The following DENND3 variants were observed in gnomAD, a reference collection of about 807,000 sequenced individuals.
DENND3 encodes DENN domain-containing protein 3.
DENND3 carries 88 observed loss-of-function variants against 135.1 expected under a neutral mutation model. The observed-to-expected ratio is 0.65, with a 90% CI of 0.55 to 0.78. The LOEUF (loss-of-function observed/expected upper bound fraction) is 0.78, where lower values mean the gene tolerates loss of function less well. DENND3 is among the 30% of genes least tolerant of loss of function. DENND3 has a pLI of 0.00. For missense variants in DENND3, 1,392 were observed against 1,688.4 expected (o/e 0.82, Z 3.08); for synonymous variants, 693 against 712.3 (o/e 0.97, Z 0.43).
Position 141,175,077 on chromosome 8 carries a change from G to C in DENND3, c.2276-123G>C. ...AGGCAGTTTCCATCCAGCGCCCTGA[G>C]TGCTGGCGCCACCTGCTGCCGGGTT... On this transcript the variant is annotated intron_variant, in intron 13 of 22. Coordinates refer to ENST00000519811, the MANE Select transcript of DENND3 (RefSeq NM_001352890.3). This position sits in a 1 kb window ranked among gnomAD's most constrained non-coding sequence, Gnocchi z 5.4. 2.5e-6 allele frequency: 3 copies of C among 1,178,152 alleles called. No individual in the cohort carries two copies. The highest frequency in any genetic ancestry group is 3.6e-6 in the Non-Finnish European group (3 of 839,918). 73.0% of individuals were successfully genotyped at this position (1,178,152 alleles called of 1,614,324 possible).
chr8:141,182,505 T>C lies in DENND3; in HGVS notation c.2944+1651T>C, dbSNP rs1386699367. 3.0e-6 allele frequency: 3 copies of C among 985,316 alleles called. No homozygotes were observed. Among genetic ancestry groups the C allele is most frequent in the Non-Finnish European group, 3.6e-6 (3 of 829,846 alleles). The allele number at this position is 985,316 out of a possible 1,614,324, so 61.0% of individuals were successfully genotyped here. On this transcript the variant is annotated intron_variant, in intron 17 of 22. Transcript: ENST00000519811. This position sits in a 1 kb window ranked among gnomAD's most constrained non-coding sequence, Gnocchi z 5.9. ...AATACATGGTATTTTTAGGTCCCGGTTGGTTTCCCTGAAATGAAACTCACT... is the reference window on the plus strand; with the variant it reads ...AATACATGGTATTTTTAGGTCCCGGCTGGTTTCCCTGAAATGAAACTCACT...
Position 141,166,082 on chromosome 8 carries a change from C to T in DENND3, c.1554-108C>T, listed in dbSNP as rs1310516406. ...TACCAGTCTGTTTTCCACTGGTGTC[C>T]AAGAGTGTCATGTGCTCTTCATCAC... On this transcript the variant is annotated intron_variant, in intron 11 of 22. Transcript: ENST00000519811. This position sits in a 1 kb window ranked among gnomAD's most constrained non-coding sequence, Gnocchi z 4.3. The T allele has an allele frequency of 2.7e-6, 3 of 1,120,602 alleles. No homozygotes were observed. Among genetic ancestry groups the T allele is most frequent in the Non-Finnish European group, 2.6e-6 (2 of 756,636 alleles). 69.4% of individuals were successfully genotyped at this position (1,120,602 alleles called of 1,614,324 possible). A position where few individuals can be genotyped will look rare whatever the true frequency, so the allele number is the denominator to read the frequency against.
chr8:141,164,243 G>A (rs1323280194), intron 10 of DENND3, among the ~76,000 whole-genome samples: 3 of 152,232 alleles, frequency 2.0e-5, no homozygotes, highest in Non-Finnish European at 4.4e-5. Context: ...GGAATGTCCC[G>A]TGGTTGGGAC....
intron 8 of DENND3, among the ~76,000 whole-genome samples, chr8:141,158,951 G>A (rs1272841380): frequency 1.3e-5 from 2 of 152,218 alleles, no homozygotes; most frequent in African/African-American, 4.8e-5. Flanking sequence ...ACTCCAGGTG[G>A]CATCATAGCC....
In DENND3 at chr8:141,194,708, C is replaced by A. The variant is rs577428811; in HGVS notation, c.*475C>A. On this transcript the variant is annotated 3_prime_UTR_variant, in exon 23 of 23. Coordinates refer to ENST00000519811, the MANE Select transcript of DENND3 (RefSeq NM_001352890.3). ...GCACATGACAGGGAGCCTGGAGCCCCGGGGCCTCCAGCGAGGCCTGAGAAG... is the reference window on the plus strand; with the variant it reads ...GCACATGACAGGGAGCCTGGAGCCCAGGGGCCTCCAGCGAGGCCTGAGAAG... 1 of 160,698 alleles carries A rather than the reference C, an allele frequency of 6.2e-6. No individual in the cohort carries two copies. Among genetic ancestry groups the A allele is most frequent in the African/African-American group, 2.4e-5 (1 of 41,664 alleles). 10.0% of individuals were successfully genotyped at this position (160,698 alleles called of 1,614,324 possible).
At chr8:141,155,785 C>T in intron 7 of DENND3, 64 bp from the exon 8 acceptor site, 5 of 1,513,020 alleles carry the variant, frequency 3.3e-6, no homozygotes, top group Non-Finnish European at 3.6e-6. Flanking sequence ...TATGTGTTTT[C>T]AAAGAGGTAT....
chr8:141,137,499 C>G lies in DENND3; in HGVS notation c.386-523C>G, dbSNP rs975930485. 6.6e-6 allele frequency among the ~76,000 whole-genome samples: 1 copy of G among 152,180 alleles called. No homozygotes were observed. Among genetic ancestry groups the G allele is most frequent in the Admixed American group, 6.5e-5 (1 of 15,286 alleles). ...CAGTTCATCTGCAGCGGTTCCACCC[C>G]CAGTGTGCCTGAGCCTCTCCCTTCC... On this transcript the variant is annotated intron_variant, in intron 2 of 22. Coordinates refer to ENST00000519811, the MANE Select transcript of DENND3 (RefSeq NM_001352890.3). The surrounding 1 kb of genome is among the most constrained non-coding windows in gnomAD (Gnocchi z 4.1).
At chr8:141,192,792 C>T (rs1318246070) in intron 22 of DENND3, 129 bp downstream of exon 22, 1 of 1,588,748 alleles carries the variant, frequency 6.3e-7, no homozygotes, top group Non-Finnish European at 8.5e-7. Context: ...GGGTTCCCCT[C>T]CTAACAGGCA....
chr8:141,165,049 C>T (rs753002619), intron 10 of DENND3, 137 bp from the exon 11 acceptor site: 9 of 643,634 alleles, frequency 1.4e-5, no homozygotes, highest in Non-Finnish European at 2.5e-5. Flanking sequence ...AGAAAACCCT[C>T]GAGTTCATTC....
intron 1 of DENND3, among the ~76,000 whole-genome samples, chr8:141,131,484 G>A (rs539215188): frequency 3.9e-5 from 6 of 152,290 alleles, no homozygotes; most frequent in African/African-American, 4.8e-5. Context: ...ATGGCAGTTC[G>A]TGTCCTCTCT....
intron 13 of DENND3, among the ~76,000 whole-genome samples, chr8:141,170,776 C>G (rs1281851922): frequency 6.6e-6 from 1 of 152,224 alleles, no homozygotes; most frequent in Non-Finnish European, 1.5e-5. Flanking sequence ...TGACAGGAGT[C>G]CAGGGCATGC....
At position 141,141,472 on chromosome 8, in the gene DENND3, G is replaced by A. The variant is rs1261196724; in HGVS notation, c.623+148G>A. 6.4e-6 allele frequency: 6 copies of A among 944,796 alleles called. No individual in the cohort carries two copies. The East Asian group carries it at 1.0e-4, about 16-fold the overall frequency. 58.5% of individuals were successfully genotyped at this position (944,796 alleles called of 1,614,324 possible). On this transcript the variant is annotated intron_variant, in intron 4 of 22. Coordinates refer to ENST00000519811, the MANE Select transcript of DENND3 (RefSeq NM_001352890.3). The surrounding 1 kb of genome is among the most constrained non-coding windows in gnomAD (Gnocchi z 5.3). ...GCCGGGGGACCGGGCGCTGGGGGCA[G>A]TAGGAGGGGCAGTTCTCTGTGCCTC...
rs892808595 is a variant in DENND3, at chr8:141,144,666, G to A, written c.735+407G>A. ...AATTCCCGGCCATGACAGGAAGGAA[G>A]GTCAGACACGCCTTGTTATGCCCGC... On this transcript the variant is annotated intron_variant, in intron 5 of 22. Transcript: ENST00000519811. This position sits in a 1 kb window ranked among gnomAD's most constrained non-coding sequence, Gnocchi z 4.4. Among the ~76,000 whole-genome samples the A allele has an allele frequency of 6.6e-6, 1 of 152,166 alleles. No homozygotes were observed. Among genetic ancestry groups the A allele is most frequent in the Non-Finnish European group, 1.5e-5 (1 of 68,026 alleles).
chr8:141,178,412 G>C (rs1822671871), intron 16 of DENND3, among the ~76,000 whole-genome samples: 1 of 152,208 alleles, frequency 6.6e-6, no homozygotes, highest in Non-Finnish European at 1.5e-5. Flanking sequence ...GCATCCAATT[G>C]AGGCACCTCG....
intron 5 of DENND3, chr8:141,150,434 T>G: frequency 1.5e-6 from 1 of 676,336 alleles, no homozygotes. Flanking sequence ...TCAAAGCTAT[T>G]AAAAGAGAGT....
chr8:141,186,555 C>T (rs907246394), intron 18 of DENND3, among the ~76,000 whole-genome samples: 3 of 152,198 alleles, frequency 2.0e-5, no homozygotes, highest in African/African-American at 4.8e-5. Flanking sequence ...CATCAGCGAT[C>T]GTTAATGTTA....
chr8:141,194,383 G>A lies in DENND3; in HGVS notation c.*150G>A, dbSNP rs772277300. 3 of 895,598 alleles carry A rather than the reference G, an allele frequency of 3.3e-6. No individual in the cohort carries two copies. The highest frequency in any genetic ancestry group is 5.0e-6 in the Non-Finnish European group (3 of 595,746). The allele number at this position is 895,598 out of a possible 1,614,324, so 55.5% of individuals were successfully genotyped here. On this transcript the variant is annotated 3_prime_UTR_variant, in exon 23 of 23. Transcript: ENST00000519811. The stretch of plus-strand genomic sequence containing the variant: ...CCACTTACCGTGTGGCCAGCCGCGA[G>A]ACCCATGGCCACGCACCTTCTCTCA...
intron 8 of DENND3, chr8:141,158,302 C>T (rs1195862015): frequency 7.8e-7 from 1 of 1,281,016 alleles, no homozygotes; most frequent in South Asian, 1.3e-5. Context: ...GCCACAGCTG[C>T]TTCCTTGACT....
chr8:141,149,044 G>A (rs1457394834), intron 5 of DENND3, among the ~76,000 whole-genome samples: 1 of 151,922 alleles, frequency 6.6e-6, no homozygotes, highest in Non-Finnish European at 1.5e-5. Context: ...CCGAGTAGCT[G>A]GGATTACAGG....
Sources: allele counts gnomAD v4.1 joint callset (sites outside exome capture counted in the v4.1 genomes callset), GRCh38; gene constraint gnomAD v4.1.1; non-coding constraint Gnocchi (gnomAD v3.1); transcripts MANE v1.5; gene names NCBI Gene and HGNC (gene_info 2026-07-23, HGNC 2026-07-21).